MTO1: variants seen among roughly 807,000 people sequenced by gnomAD.
MTO1 encodes 5-taurinomethyluridine-[tRNA] synthase subunit MTO1, mitochondrial.
A neutral mutation model predicts 71.6 loss-of-function variants in MTO1; 46 were observed. The ratio of observed to expected loss-of-function variants is 0.64; its 90% CI spans 0.51 to 0.82. The LOEUF (loss-of-function observed/expected upper bound fraction) is 0.82, where lower values mean the gene tolerates loss of function less well. Ranked by LOEUF, MTO1 falls within the 40% of genes least tolerant of loss-of-function variation. The pLI is 0.00. For synonymous variants in MTO1, 297 were observed against 312.1 expected (o/e 0.95, Z 0.51); for missense variants, 773 against 867.5 (o/e 0.89, Z 1.37).
chr6:73,480,670 G>T lies in MTO1; in HGVS notation c.1130-5G>T. The T allele has an allele frequency of 6.2e-7, 1 of 1,613,522 alleles. No individual in the cohort carries two copies. The highest frequency in any genetic ancestry group is 1.1e-5 in the South Asian group (1 of 91,022). Reference sequence around the variant, plus strand: ...ACTTATTTAATGTCTTTGTTCTTTGGTCAGGCTACGGTGTTCAGTATGATT... The same window carrying T: ...ACTTATTTAATGTCTTTGTTCTTTGTTCAGGCTACGGTGTTCAGTATGATT... On this transcript the variant is annotated splice_region_variant and splice_polypyrimidine_tract_variant and intron_variant, in intron 6 of 11. Transcript: ENST00000498286.
At chr6:73,471,040 C>A (rs995730249) in intron 3 of MTO1, among the ~76,000 whole-genome samples, 2 of 152,066 alleles carry the variant, frequency 1.3e-5, no homozygotes, top group African/African-American at 4.8e-5. Flanking sequence ...CTTTGTTAAT[C>A]TGTTGTGTGG....
In MTO1 at chr6:73,507,886, A is replaced by C. The variant is rs1171614070; in HGVS notation, c.*7151A>C. 6.6e-6 allele frequency: 1 copy of C among 151,348 alleles called. No individual in the cohort carries two copies. The highest frequency in any genetic ancestry group is 2.0e-4 in the East Asian group (1 of 5,086). The allele number at this position is 151,348 out of a possible 1,614,324, so 9.4% of individuals were successfully genotyped here. A position where few individuals can be genotyped will look rare whatever the true frequency, so the allele number is the denominator to read the frequency against. ...CAGCTACTCGGGAGGCTGAGGCAGG[A>C]GAATGGCGTGAAGCCAGGAGGCGGA... On this transcript the variant is annotated 3_prime_UTR_variant, in exon 12 of 12. Transcript: ENST00000498286.
chr6:73,470,343 A>G (rs1410116605), intron 3 of MTO1, among the ~76,000 whole-genome samples: 1 of 151,752 alleles, frequency 6.6e-6, no homozygotes, highest in Non-Finnish European at 1.5e-5. Flanking sequence ...AGTAGCTGGG[A>G]CTACAGGCAC....
intron 3 of MTO1, among the ~76,000 whole-genome samples, chr6:73,472,640 G>T (rs1488158149): frequency 6.6e-6 from 1 of 152,170 alleles, no homozygotes; most frequent in Non-Finnish European, 1.5e-5. Flanking sequence ...AATCTAGTGA[G>T]CAGTATGGTA....
At position 73,479,738 on chromosome 6, in the gene MTO1, G is replaced by A; in HGVS notation, c.832G>A (p.Asp278Asn). 1 of 1,609,832 alleles carries A rather than the reference G, an allele frequency of 6.2e-7. No individual in the cohort carries two copies. Among genetic ancestry groups the A allele is most frequent in the East Asian group, 2.2e-5 (1 of 44,850 alleles). ...TNETVWIKPE[D>N]QLPCYLTHTN... ...TCTGGTTACTGTTTTTTAGCCAGAA[G>A]ATCAGCTGCCATGTTACTTGACTCA... Residue 278 changes from aspartate to asparagine, a missense_variant, in exon 5 of 12, where the codon GAT becomes AAT. Physicochemically the swap from Asp to Asn is conservative, Grantham distance 23 (BLOSUM62 1). Transcript: ENST00000498286.
At chr6:73,491,966 G>A in intron 9 of MTO1, 1 of 262,932 alleles carries the variant, frequency 3.8e-6, no homozygotes, top group Non-Finnish European at 7.5e-6. Flanking sequence ...GCCGGGCATG[G>A]TGGCGCATGC....
Position 73,497,729 on chromosome 6 carries a change from T to C in MTO1, c.1757-7T>C. ...TATTATAACATGATTCTGATTTTGTTGACCAGCCACTTATGAATCAGTGTT... is the reference window on the plus strand; with the variant it reads ...TATTATAACATGATTCTGATTTTGTCGACCAGCCACTTATGAATCAGTGTT... On this transcript the variant is annotated splice_region_variant and splice_polypyrimidine_tract_variant and intron_variant, in intron 10 of 11. Transcript: ENST00000498286. 1 of 1,608,648 alleles carries C rather than the reference T, an allele frequency of 6.2e-7. No individual in the cohort carries two copies. The highest frequency in any genetic ancestry group is 8.5e-7 in the Non-Finnish European group (1 of 1,175,818).
rs766401513 is a variant in MTO1 at position 73,497,941 on chromosome 6, T to C, written c.1917+45T>C. On this transcript the variant is annotated intron_variant, in intron 11 of 11. Transcript: ENST00000498286. ...AATAGAAACAAGTTATAGATAAAGA[T>C]ACAGTGCTTTAATTTTTTAAACCTG... 7.2e-6 allele frequency: 11 copies of C among 1,522,112 alleles called. No individual in the cohort carries two copies. In the South Asian group the frequency reaches 1.3e-4, roughly 18 times the overall value. The allele number at this position is 1,522,112 out of a possible 1,614,324, so 94.3% of individuals were successfully genotyped here. A position where few individuals can be genotyped will look rare whatever the true frequency, so the allele number is the denominator to read the frequency against.
rs1397977246 is a variant in MTO1 at position 73,508,197 on chromosome 6, G to C, written c.*7462G>C. 6.6e-6 allele frequency: 1 copy of C among 152,090 alleles called. No individual in the cohort carries two copies. The highest frequency in any genetic ancestry group is 1.5e-5 in the Non-Finnish European group (1 of 68,012). The allele number at this position is 152,090 out of a possible 1,614,324, so 9.4% of individuals were successfully genotyped here. A position where few individuals can be genotyped will look rare whatever the true frequency, so the allele number is the denominator to read the frequency against. ...GGAATTCAGAGTGTGAATTTCACTT[G>C]AACAGCACCCTCTGCAGACTTAAAA... On this transcript the variant is annotated 3_prime_UTR_variant, in exon 12 of 12. Coordinates refer to ENST00000498286, the MANE Select transcript of MTO1 (RefSeq NM_012123.4).
intron 3 of MTO1, among the ~76,000 whole-genome samples, chr6:73,470,276 G>A (rs528575716): frequency 1.1e-4 from 17 of 151,638 alleles, no homozygotes; most frequent in Non-Finnish European, 2.2e-4. Flanking sequence ...GCGTGATCTC[G>A]GCTTACTGCA....
rs1772324392 is a variant in MTO1 at position 73,507,693 on chromosome 6, C to T, written c.*6958C>T. 6.6e-6 allele frequency: 1 copy of T among 152,228 alleles called. No individual in the cohort carries two copies. Among genetic ancestry groups the T allele is most frequent in the African/African-American group, 2.4e-5 (1 of 41,454 alleles). The allele number at this position is 152,228 out of a possible 1,614,324, so 9.4% of individuals were successfully genotyped here. A position where few individuals can be genotyped will look rare whatever the true frequency, so the allele number is the denominator to read the frequency against. ...TCTACTGGATTAAAAGTTTCTCCAT[C>T]CCGGCAGGGTGCGGTGGCTCACGCC... is the stretch of plus-strand genomic sequence containing the variant. On this transcript the variant is annotated 3_prime_UTR_variant, in exon 12 of 12. Coordinates refer to ENST00000498286, the MANE Select transcript of MTO1 (RefSeq NM_012123.4).
At chr6:73,490,070 G>A (rs1042154238) in intron 9 of MTO1, among the ~76,000 whole-genome samples, 1 of 152,084 alleles carries the variant, frequency 6.6e-6, no homozygotes, top group Non-Finnish European at 1.5e-5. Flanking sequence ...TGTGCCTGTT[G>A]GCTGCGTAAA....
At position 73,461,950 on chromosome 6, in the gene MTO1, C is replaced by T. The variant is rs938648582; in HGVS notation, c.96C>T (p.Pro32=). The T allele has an allele frequency of 3.7e-6, 6 of 1,614,230 alleles. No individual in the cohort carries two copies. The Admixed American group carries it at 8.3e-5, about 22-fold the overall frequency. The part of the protein sequence containing the change: ...LARLSSDSAA[P]RTPHFDVIVI... ...GGTTGAGCAGTGACAGCGCGGCGCC[C>T]CGGACTCCGCACTTCGACGTGATAG... Residue 32 remains proline, a synonymous_variant, in exon 1 of 12, where the codon CCC becomes CCT. Transcript: ENST00000498286.
At chr6:73,471,563 TG>T (rs1462262894) in intron 3 of MTO1, 4 of 371,910 alleles carry the variant, frequency 1.1e-5, no homozygotes, top group Non-Finnish European at 1.0e-5. Flanking sequence ...CACAGGCATG[TG>T]TCACCACCCC....
At chr6:73,490,277 T>G (rs981712352) in intron 9 of MTO1, among the ~76,000 whole-genome samples, 5 of 152,196 alleles carry the variant, frequency 3.3e-5, no homozygotes, top group Non-Finnish European at 7.3e-5. Flanking sequence ...TTGCTGTGTA[T>G]GAGCTCTTTA....
At chr6:73,496,882 A>G (rs1029385953) in intron 10 of MTO1, among the ~76,000 whole-genome samples, 4 of 151,632 alleles carry the variant, frequency 2.6e-5, no homozygotes, top group East Asian at 2.0e-4. Flanking sequence ...GTGAAAACCC[A>G]TCTCTACTAA....
chr6:73,479,626 A>G, intron 4 of MTO1, 106 bp from the exon 5 acceptor site: 1 of 800,438 alleles, frequency 1.2e-6, no homozygotes. Context: ...ATTATGCACA[A>G]GTTTAGTGTC....
At chr6:73,492,206 T>C (rs762403334) in intron 9 of MTO1, 28 bp from the exon 10 acceptor site, 7 of 1,419,664 alleles carry the variant, frequency 4.9e-6, no homozygotes, top group South Asian at 2.3e-5. Context: ...TGGATCCTTA[T>C]GTTAATGAAA....
At chr6:73,476,812 G>A (rs117595012) in intron 4 of MTO1, among the ~76,000 whole-genome samples, 2,813 of 148,470 alleles carry the variant, frequency 0.019, 52 homozygotes, top group Non-Finnish European at 0.029. Context: ...TTTTTGAGAC[G>A]GAGCCTCACA....
Sources: gnomAD v4.1 joint callset for allele counts (sites outside exome capture counted in the v4.1 genomes callset) on GRCh38, gnomAD v4.1.1 for gene constraint, MANE v1.5 for transcripts, NCBI Gene and HGNC (gene_info 2026-07-23, HGNC 2026-07-21) for gene names.